Variants in STXBP4 observed in about 807,000 individuals in gnomAD.
STXBP4 encodes the protein syntaxin-binding protein 4.
A neutral mutation model predicts 76.1 loss-of-function variants in STXBP4; 55 were observed. The observed-to-expected ratio is 0.72, with a 90% CI of 0.58 to 0.91. STXBP4 has a LOEUF of 0.91. Ranked by LOEUF, STXBP4 falls within the 40% of genes least tolerant of loss-of-function variation. STXBP4 has a pLI of 0.00. For missense variants in STXBP4, 618 were observed against 636.9 expected, an observed-to-expected ratio of 0.97 and a Z score of 0.32; for synonymous variants, 201 against 220.2, an observed-to-expected ratio of 0.91 and a Z score of 0.77.
At position 55,078,133 on chromosome 17, in the gene STXBP4, A is replaced by G; in HGVS notation, c.1244A>G (p.Lys415Arg). Residue 415 changes from lysine (K) to arginine (R), a missense_variant, in exon 14 of 18, where the codon AAA (lysine) becomes AGA (arginine). Physicochemically the swap from Lys to Arg is conservative, Grantham distance 26. Transcript: ENST00000376352. ...ATGGTACTCGACTGCCAATTACGAAAATCAGAAATGGCTCGAAAAACTTTT... is the reference window on the plus strand; with the variant it reads ...ATGGTACTCGACTGCCAATTACGAAGATCAGAAATGGCTCGAAAAACTTTT... The part of the protein sequence containing the change: ...RIMVLDCQLR[K>R]SEMARKTFEA... 1 of 1,612,678 alleles carries G rather than the reference A, an allele frequency of 6.2e-7. No homozygotes were observed. Among genetic ancestry groups the G allele is most frequent in the Non-Finnish European group, 8.5e-7 (1 of 1,179,256 alleles).
intron 4 of STXBP4, among the ~76,000 whole-genome samples, chr17:54,994,496 A>G (rs1187143078): frequency 6.6e-6 from 1 of 152,220 alleles, no homozygotes; most frequent in African/African-American, 2.4e-5. Flanking sequence ...CAACTCCCAT[A>G]ACACTGTTCA....
chr17:55,041,564 A>C (rs773734858), intron 10 of STXBP4, among the ~76,000 whole-genome samples: 36 of 152,132 alleles, frequency 2.4e-4, no homozygotes, highest in Non-Finnish European at 4.1e-4. Flanking sequence ...TAGGATGAGA[A>C]GATAGAGTAG....
intron 16 of STXBP4, among the ~76,000 whole-genome samples, chr17:55,082,821 A>G (rs77107615): frequency 2.0e-5 from 3 of 152,102 alleles, no homozygotes; most frequent in Admixed American, 6.6e-5. Flanking sequence ...GAAGAGAGAG[A>G]AAAAAAGTCT....
intron 8 of STXBP4, among the ~76,000 whole-genome samples, chr17:55,019,255 G>C (rs1040881361): frequency 6.6e-6 from 1 of 151,752 alleles, no homozygotes; most frequent in African/African-American, 2.4e-5. Context: ...GTTTGATTAT[G>C]TTTGATTATT....
chr17:55,179,395 G>A, the STXBP4 span, among the ~76,000 whole-genome samples: 3 of 152,226 alleles, frequency 2.0e-5, no homozygotes, highest in East Asian at 5.8e-4. Context: ...AGGTAACCAA[G>A]CAAAGAAGAG....
At position 54,992,404 on chromosome 17, in the gene STXBP4, G is replaced by A. The variant is rs201292190; in HGVS notation, c.180+1447G>A. On this transcript the variant is annotated intron_variant, in intron 4 of 17. Transcript: ENST00000376352. ...CACTCCAGCCTGGATGACAGAACAA[G>A]ACCCTGTCTCAAAAAAAAAAAAAAA... 5.6e-4 allele frequency among the ~76,000 whole-genome samples: 81 copies of A among 145,140 alleles called. No individual in the cohort carries two copies. The East Asian group carries it at 0.014, about 26-fold the overall frequency.
intron 8 of STXBP4, among the ~76,000 whole-genome samples, chr17:55,011,909 C>T (rs1005617611): frequency 2.6e-5 from 4 of 152,110 alleles, no homozygotes; most frequent in African/African-American, 9.7e-5. Flanking sequence ...CTAACTGCTT[C>T]CTGCTGAACT....
intron 16 of STXBP4, among the ~76,000 whole-genome samples, chr17:55,127,530 A>C (rs1284215658): frequency 6.6e-6 from 1 of 152,168 alleles, no homozygotes; most frequent in Non-Finnish European, 1.5e-5. Context: ...TTGAGTGATA[A>C]ACTATACAGT....
chr17:55,151,924 GAGT>G (rs1231818946), intron 17 of STXBP4, among the ~76,000 whole-genome samples: 1 of 152,204 alleles, frequency 6.6e-6, no homozygotes, highest in Non-Finnish European at 1.5e-5. Context: ...CCAAATGTAT[GAGT>G]AGACCTTTGG....
At chr17:55,145,829 T>G (rs1351296192) in intron 17 of STXBP4, among the ~76,000 whole-genome samples, 1 of 152,206 alleles carries the variant, frequency 6.6e-6, no homozygotes, top group African/African-American at 2.4e-5. Flanking sequence ...GAAAATACAT[T>G]ATTTATTAGT....
At chr17:55,078,410 T>C (rs2079214879) in intron 14 of STXBP4, among the ~76,000 whole-genome samples, 1 of 152,184 alleles carries the variant, frequency 6.6e-6, no homozygotes, top group South Asian at 2.1e-4. Flanking sequence ...GGTGATGGGA[T>C]TCCAAGTATA....
the STXBP4 span, among the ~76,000 whole-genome samples, chr17:55,209,176 T>TA: frequency 6.2e-4 from 94 of 151,398 alleles, no homozygotes; most frequent in African/African-American, 2.3e-3. Flanking sequence ...GTCTGAAGAT[T>TA]AAAAAAAAAT....
intron 12 of STXBP4, among the ~76,000 whole-genome samples, chr17:55,052,916 CGTGTGTGTGTGTGTGTGTGT>C (rs59163531): frequency 1.0e-5 from 1 of 95,700 alleles, no homozygotes; most frequent in Non-Finnish European, 1.9e-5. Flanking sequence ...ACGTGTATGA[CGTGTGTGTGTGTGTGTGTGT>C]GTGTGTGTGT....
chr17:55,061,499 C>G (rs886220301), intron 12 of STXBP4, among the ~76,000 whole-genome samples: 2 of 152,126 alleles, frequency 1.3e-5, no homozygotes, highest in African/African-American at 4.8e-5. Flanking sequence ...CTTTTCTGTT[C>G]TAAAAGCATG....
chr17:55,000,456 G>A (rs1019009462), intron 6 of STXBP4, among the ~76,000 whole-genome samples: 2 of 152,134 alleles, frequency 1.3e-5, no homozygotes, highest in Non-Finnish European at 2.9e-5. Flanking sequence ...CTTTTAGTCA[G>A]TAGAATAAAA....
intron 8 of STXBP4, among the ~76,000 whole-genome samples, chr17:55,012,348 C>G (rs1466488672): frequency 6.6e-6 from 1 of 152,150 alleles, no homozygotes; most frequent in African/African-American, 2.4e-5. Context: ...GGCATTACCC[C>G]ATAGTAGGGT....
intron 4 of STXBP4, among the ~76,000 whole-genome samples, chr17:54,995,780 G>A (rs557510906): frequency 9.8e-5 from 15 of 152,290 alleles, no homozygotes; most frequent in South Asian, 2.1e-4. Flanking sequence ...CAGCCAAGAT[G>A]GTTCGCTTTG....
chr17:55,154,611 A>G lies in STXBP4; in HGVS notation c.1548-5186A>G, dbSNP rs112075697. Among the ~76,000 whole-genome samples the G allele has an allele frequency of 6.5e-3, 996 of 152,246 alleles. 13 individuals are homozygous for G. The highest frequency in any genetic ancestry group is 0.023 in the African/African-American group (958 of 41,546). On this transcript the variant is annotated intron_variant, in intron 17 of 17. Coordinates refer to ENST00000376352, the MANE Select transcript of STXBP4 (RefSeq NM_178509.6). ...CCAGGGCTGTACTCTGTCACTACAG[A>G]GTTGTTTCCTTCTTTGAAAAATTAA...
At chr17:55,203,267 A>G in the STXBP4 span, among the ~76,000 whole-genome samples, 1 of 152,064 alleles carries the variant, frequency 6.6e-6, no homozygotes, top group African/African-American at 2.4e-5. Flanking sequence ...CCTGCCCTAT[A>G]CTCGAATAGA....
Sources: gnomAD v4.1 joint callset for allele counts (sites outside exome capture counted in the v4.1 genomes callset) on GRCh38, gnomAD v4.1.1 for gene constraint, MANE v1.5 for transcripts, NCBI Gene and HGNC (gene_info 2026-07-23, HGNC 2026-07-21) for gene names.